Variants in FAM135B observed in about 807,000 individuals in gnomAD.
The protein encoded by FAM135B is family with sequence similarity 135 member B.
FAM135B carries 43 observed loss-of-function variants against 127.7 expected under a neutral mutation model. That is an observed-to-expected ratio of 0.34 (90% CI 0.26 to 0.43). The LOEUF (loss-of-function observed/expected upper bound fraction) is 0.43. Among genes scored for constraint, FAM135B ranks in the 20% least tolerant of loss-of-function variants. The pLI is 1.00. For missense variants in FAM135B, 1,558 were observed against 1,725.6 expected (o/e 0.90, Z 1.72); for synonymous variants, 670 against 665.1 (o/e 1.01, Z -0.11).
At position 138,292,426 on chromosome 8, in the gene FAM135B, A is replaced by G. The variant is rs149136757; in HGVS notation, c.157+18415T>C. ...AATAGAAAAAAGAACTAAACTTCAT[A>G]TGACACCACAAAAGACCTCAAATAG... On this transcript the variant is annotated intron_variant, in intron 3 of 19. Coordinates refer to ENST00000395297, the MANE Select transcript of FAM135B (RefSeq NM_015912.4). Among the ~76,000 whole-genome samples the G allele has an allele frequency of 2.8e-4, 42 of 152,246 alleles. 1 individual carries two copies. The highest frequency in any genetic ancestry group is 9.6e-4 in the African/African-American group (40 of 41,582).
intron 3 of FAM135B, among the ~76,000 whole-genome samples, chr8:138,271,260 G>C (rs1823352843): frequency 1.3e-5 from 2 of 151,990 alleles, no homozygotes; most frequent in Admixed American, 6.6e-5. Flanking sequence ...GTTGTATTTT[G>C]GTTGTCATTT....
chr8:138,362,728 T>A (rs1338414141), intron 2 of FAM135B, among the ~76,000 whole-genome samples: 1 of 152,228 alleles, frequency 6.6e-6, no homozygotes, highest in East Asian at 1.9e-4. Context: ...CTAATTGGGA[T>A]ACACATACCC....
At chr8:138,155,370 G>A (rs1418872723) in intron 12 of FAM135B, among the ~76,000 whole-genome samples, 2 of 152,168 alleles carry the variant, frequency 1.3e-5, no homozygotes, top group African/African-American at 2.4e-5. Flanking sequence ...ATCGATGCTG[G>A]GAAGAAGCTG....
chr8:138,151,955 C>G lies in FAM135B; in HGVS notation c.2520G>C (p.Gln840His), dbSNP rs139253577. The change falls in exon 13 of 20, where the codon CAG becomes CAC. Residue 840 changes from glutamine to histidine, a missense_variant. By Grantham distance (24) the Gln-to-His change is conservative. Coordinates refer to ENST00000395297, the MANE Select transcript of FAM135B (RefSeq NM_015912.4). The part of the protein sequence containing the change: ...VEIVLDADNQ[Q>H]GPGYIDIPKG... ...TGGGGATGTCTATGTATCCGGGGCCCTGCTGGTTGTCAGCATCTAAAACTA... is the reference window on the plus strand; with the variant it reads ...TGGGGATGTCTATGTATCCGGGGCCGTGCTGGTTGTCAGCATCTAAAACTA... The G allele has an allele frequency of 1.9e-5, 31 of 1,614,022 alleles. No homozygotes were observed. In the African/African-American group the frequency reaches 2.7e-4, roughly 14 times the overall value.
intron 4 of FAM135B, among the ~76,000 whole-genome samples, chr8:138,258,091 T>C (rs1035735355): frequency 1.3e-5 from 2 of 152,208 alleles, no homozygotes; most frequent in Non-Finnish European, 2.9e-5. Flanking sequence ...GTAATCCTTA[T>C]ATGATTAAGA....
At chr8:138,299,070 A>AATAC (rs756306144) in intron 3 of FAM135B, among the ~76,000 whole-genome samples, 3,559 of 139,934 alleles carry the variant, frequency 0.025, 105 homozygotes, top group Admixed American at 0.086. Flanking sequence ...AAAATAAATA[A>AATAC]ATAAATAAAT....
At chr8:138,410,322 T>C (rs1833787268) in intron 1 of FAM135B, among the ~76,000 whole-genome samples, 2 of 152,292 alleles carry the variant, frequency 1.3e-5, no homozygotes, top group South Asian at 4.1e-4. Context: ...CAGTGAGCCC[T>C]GTTCCTGGTG....
intron 18 of FAM135B, among the ~76,000 whole-genome samples, chr8:138,137,658 T>G (rs2130547391): frequency 6.6e-6 from 1 of 152,218 alleles, no homozygotes; most frequent in African/African-American, 2.4e-5. Context: ...GAAAAGTCAG[T>G]CTGACTATCT....
chr8:138,487,411 G>A (rs892140732), intron 1 of FAM135B, among the ~76,000 whole-genome samples: 4 of 151,992 alleles, frequency 2.6e-5, no homozygotes, highest in African/African-American at 4.8e-5. Context: ...AGTGATCCGG[G>A]ACTTAATTAA....
At position 138,131,156 on chromosome 8, in the gene FAM135B, C is replaced by T. The variant is rs1374607726; in HGVS notation, c.*1437G>A. ...GGTTTTGTTACCATGGCATCAGTGA[C>T]CTAGAGTCATGGTCTAGGTATTGAG... On this transcript the variant is annotated 3_prime_UTR_variant, in exon 20 of 20. Transcript: ENST00000395297. 3 of 152,180 alleles carry T rather than the reference C, an allele frequency of 2.0e-5. No individual in the cohort carries two copies. 9.4% of individuals were successfully genotyped at this position (152,180 alleles called of 1,614,324 possible). A position where few individuals can be genotyped will look rare whatever the true frequency, so the allele number is the denominator to read the frequency against.
At chr8:138,396,596 A>G (rs1832868583) in intron 1 of FAM135B, among the ~76,000 whole-genome samples, 1 of 152,224 alleles carries the variant, frequency 6.6e-6, no homozygotes, top group Non-Finnish European at 1.5e-5. Context: ...TGTGTATAAC[A>G]ACAATGATTA....
chr8:138,488,960 C>T (rs567994934), intron 1 of FAM135B, among the ~76,000 whole-genome samples: 6 of 152,240 alleles, frequency 3.9e-5, no homozygotes, highest in East Asian at 3.9e-4. Flanking sequence ...CCATCACGCC[C>T]GGCGTTTGTT....
intron 1 of FAM135B, among the ~76,000 whole-genome samples, chr8:138,408,909 G>C (rs1013257691): frequency 6.6e-6 from 1 of 152,116 alleles, no homozygotes; most frequent in Non-Finnish European, 1.5e-5. Context: ...GCTGTGGCTT[G>C]TTTGGTCTTC....
At chr8:138,355,894 T>G (rs1015070580) in intron 2 of FAM135B, among the ~76,000 whole-genome samples, 1 of 152,202 alleles carries the variant, frequency 6.6e-6, no homozygotes, top group African/African-American at 2.4e-5. Flanking sequence ...TGTTGAAACC[T>G]AATGCCCTCC....
intron 3 of FAM135B, chr8:138,308,906 C>T (rs1196324054): frequency 2.6e-6 from 1 of 388,724 alleles, no homozygotes; most frequent in African/African-American, 2.1e-5. Flanking sequence ...TAGGTCTCCT[C>T]TCCGAGGCTT....
At chr8:138,308,112 CT>C (rs1421571973) in intron 3 of FAM135B, among the ~76,000 whole-genome samples, 2 of 152,192 alleles carry the variant, frequency 1.3e-5, no homozygotes, top group Non-Finnish European at 2.9e-5. Flanking sequence ...CTGGGCCAGT[CT>C]CCATCTAGCC....
intron 7 of FAM135B, among the ~76,000 whole-genome samples, chr8:138,203,180 G>A (rs1420011002): frequency 6.6e-6 from 1 of 152,038 alleles, no homozygotes; most frequent in African/African-American, 2.4e-5. Flanking sequence ...TTATGCAAAT[G>A]TCTCTCAAAT....
In FAM135B at chr8:138,151,662, C is replaced by T. The variant is rs370638154; in HGVS notation, c.2813G>A (p.Ser938Asn). 71 of 1,614,056 alleles carry T rather than the reference C, an allele frequency of 4.4e-5. No individual in the cohort carries two copies. The highest frequency in any genetic ancestry group is 5.9e-5 in the Non-Finnish European group (70 of 1,180,046). The part of the protein sequence containing the change: ...GLSQHQVPEL[S>N]CTSAADAINR... Reference sequence around the variant, plus strand: ...GATGGCATCAGCAGCTGACGTACAGCTCAATTCAGGCACCTGATGTTGAGA... The same window carrying T: ...GATGGCATCAGCAGCTGACGTACAGTTCAATTCAGGCACCTGATGTTGAGA... The change falls in exon 13 of 20, where the codon AGC becomes AAC. Residue 938 changes from serine (S) to asparagine (N), a missense_variant. By Grantham distance (46) the Ser-to-Asn change is conservative. This residue lies in a region of FAM135B where 923 missense variants were observed against 865.3 expected (regional missense o/e 1.07). Transcript: ENST00000395297.
chr8:138,463,877 G>T (rs1331423984), intron 1 of FAM135B, among the ~76,000 whole-genome samples: 1 of 152,164 alleles, frequency 6.6e-6, no homozygotes, highest in East Asian at 1.9e-4. Flanking sequence ...GAAACCCTTT[G>T]ATGGGCAGTA....
Sources: allele counts gnomAD v4.1 joint callset (sites outside exome capture counted in the v4.1 genomes callset), GRCh38; gene constraint gnomAD v4.1.1; regional missense constraint gnomAD v4.1.1; transcripts MANE v1.5; gene names NCBI Gene and HGNC (gene_info 2026-07-23, HGNC 2026-07-21).